LAMP3: variants seen among roughly 807,000 people sequenced by gnomAD.
LAMP3 encodes lysosome-associated membrane glycoprotein 3.
In LAMP3, 26 loss-of-function variants were observed where a neutral mutation model predicts 34.8. The observed-to-expected ratio is 0.75, with a 90% CI of 0.55 to 1.04. The LOEUF (loss-of-function observed/expected upper bound fraction) is 1.04. Among genes scored for constraint, LAMP3 ranks in the 50% least tolerant of loss-of-function variants. The pLI, the probability that LAMP3 is intolerant of heterozygous loss-of-function variation, is 0.00. For synonymous variants in LAMP3, 180 were observed against 201.9 expected (o/e 0.89, Z 0.92); for missense variants, 495 against 524.0 (o/e 0.94, Z 0.54).
chr3:183,135,602 T>A (rs551806756), intron 5 of LAMP3, 115 bp downstream of exon 5: 1 of 1,009,714 alleles, frequency 9.9e-7, no homozygotes. Context: ...AATCACACCA[T>A]CCCAGGAAGC....
chr3:183,140,437 A>ACCACC, intron 4 of LAMP3, 101 bp downstream of exon 4: 1 of 437,530 alleles, frequency 2.3e-6, no homozygotes, highest in Non-Finnish European at 4.3e-6. Context: ...AAAAAAAAAA[A>ACCACC]AAGCAGCATC....
chr3:183,158,351 G>T (rs1720879977), intron 1 of LAMP3, among the ~76,000 whole-genome samples: 1 of 152,140 alleles, frequency 6.6e-6, no homozygotes, highest in African/African-American at 2.4e-5. Flanking sequence ...CAAGGTCACA[G>T]GTTTGTCTGA....
intron 5 of LAMP3, among the ~76,000 whole-genome samples, chr3:183,127,161 G>T (rs1401394278): frequency 6.8e-4 from 104 of 152,078 alleles, no homozygotes; most frequent in Non-Finnish European, 1.3e-4. Flanking sequence ...TTGAGACAGG[G>T]TCTTGCTCTG....
At chr3:183,137,754 A>G (rs1194776817) in intron 4 of LAMP3, among the ~76,000 whole-genome samples, 1 of 151,888 alleles carries the variant, frequency 6.6e-6, no homozygotes, top group African/African-American at 2.4e-5. Flanking sequence ...TAGGATCAAG[A>G]CCTAGAATTG....
chr3:183,132,564 C>G (rs1719958265), intron 5 of LAMP3: 1 of 985,412 alleles, frequency 1.0e-6, no homozygotes, highest in Non-Finnish European at 1.2e-6. Context: ...ATTCCGGAAG[C>G]CAGCACTGGT....
chr3:183,161,927 C>T lies in LAMP3; in HGVS notation c.49+680G>A, dbSNP rs983096850. 6.1e-6 allele frequency: 6 copies of T among 983,492 alleles called. No individual in the cohort carries two copies. In the African/African-American group the frequency reaches 1.0e-4, roughly 17 times the overall value. The allele number at this position is 983,492 out of a possible 1,614,324, so 60.9% of individuals were successfully genotyped here. A position where few individuals can be genotyped will look rare whatever the true frequency, so the allele number is the denominator to read the frequency against. ...CTGGCACGACCCTTCTCACCTCTTCCCTAACATTCCTAGCATTCATGTTAC... is the reference window on the plus strand; with the variant it reads ...CTGGCACGACCCTTCTCACCTCTTCTCTAACATTCCTAGCATTCATGTTAC... On this transcript the variant is annotated intron_variant, in intron 1 of 5. Coordinates refer to ENST00000265598, the MANE Select transcript of LAMP3 (RefSeq NM_014398.4).
chr3:183,156,271 G>T (rs1720819872), intron 1 of LAMP3, among the ~76,000 whole-genome samples: 1 of 152,214 alleles, frequency 6.6e-6, no homozygotes, highest in Non-Finnish European at 1.5e-5. Flanking sequence ...TGAGGCAAGA[G>T]AATAGCTTGA....
At chr3:183,124,384 T>C (rs139758852) in intron 5 of LAMP3, among the ~76,000 whole-genome samples, 170 bp from the exon 6 acceptor site, 10 of 152,354 alleles carry the variant, frequency 6.6e-5, no homozygotes, top group African/African-American at 2.4e-4. Context: ...TGCAATTTCC[T>C]AATTTATAAA....
At chr3:183,130,584 A>G (rs1306137055) in intron 5 of LAMP3, among the ~76,000 whole-genome samples, 8 of 152,126 alleles carry the variant, frequency 5.3e-5, no homozygotes, top group Non-Finnish European at 1.0e-4. Flanking sequence ...TCCATTTCCT[A>G]TGATGCCGTT....
chr3:183,144,763 G>A (rs1422707827), intron 3 of LAMP3, among the ~76,000 whole-genome samples: 2 of 152,106 alleles, frequency 1.3e-5, no homozygotes, highest in Non-Finnish European at 2.9e-5. Flanking sequence ...AAATTAGCTG[G>A]GCATGGTGGC....
Position 183,152,362 on chromosome 3 carries a change from G to GCT in LAMP3, c.888+11_888+12dup, listed in dbSNP as rs754136931. 1.2e-5 allele frequency: 19 copies of GCT among 1,599,954 alleles called. No individual in the cohort carries two copies. The highest frequency in any genetic ancestry group is 1.5e-5 in the Non-Finnish European group (18 of 1,173,966). On this transcript the variant is annotated intron_variant, in intron 3 of 5. Transcript: ENST00000265598. ...TACCAGATGCAGTTTGTGCAAAGGAGCTCAGGCCTCACCTTGGTAAATGTG... is the reference window on the plus strand; with the variant it reads ...TACCAGATGCAGTTTGTGCAAAGGAGCTCTCAGGCCTCACCTTGGTAAATGTG...
intron 3 of LAMP3, among the ~76,000 whole-genome samples, chr3:183,148,879 G>A (rs1247528350): frequency 2.0e-5 from 3 of 152,264 alleles, no homozygotes; most frequent in South Asian, 2.1e-4. Context: ...ATATCGAAGC[G>A]ATCTGCTCTC....
At chr3:183,140,724 G>A in intron 3 of LAMP3, 129 bp from the exon 4 acceptor site, 1 of 608,374 alleles carries the variant, frequency 1.6e-6, no homozygotes, top group Middle Eastern at 2.9e-4. Flanking sequence ...ACTTGGTACT[G>A]GGTCATAATT....
At chr3:183,137,584 C>T (rs1720137250) in intron 4 of LAMP3, among the ~76,000 whole-genome samples, 1 of 152,140 alleles carries the variant, frequency 6.6e-6, no homozygotes, top group African/African-American at 2.4e-5. Context: ...TCTCTGTGTA[C>T]ACTGCCGGGT....
chr3:183,155,264 T>C (rs1720791226), intron 1 of LAMP3, among the ~76,000 whole-genome samples: 1 of 152,214 alleles, frequency 6.6e-6, no homozygotes, highest in African/African-American at 2.4e-5. Context: ...CATGCGTTCA[T>C]CCAATCTAGA....
At chr3:183,150,395 C>T (rs528316620) in intron 3 of LAMP3, among the ~76,000 whole-genome samples, 54 of 152,164 alleles carry the variant, frequency 3.5e-4, no homozygotes, top group African/African-American at 1.2e-3. Context: ...CTGCCTAAGG[C>T]CTGATGGCAG....
intron 5 of LAMP3, chr3:183,132,183 T>A (rs1719945308): frequency 4.1e-6 from 4 of 985,310 alleles, no homozygotes; most frequent in Non-Finnish European, 4.8e-6. Context: ...GCCCCTCCTT[T>A]TTTGCCATGA....
chr3:183,132,972 G>A (rs878890050), intron 5 of LAMP3: 17 of 982,862 alleles, frequency 1.7e-5, no homozygotes, highest in Non-Finnish European at 4.8e-6. Flanking sequence ...ATTGAAGTCA[G>A]AGTAACAAGT....
intron 5 of LAMP3, among the ~76,000 whole-genome samples, chr3:183,134,663 A>G (rs972881278): frequency 6.6e-6 from 1 of 152,074 alleles, no homozygotes; most frequent in African/African-American, 2.4e-5. Flanking sequence ...AAACCAGGGG[A>G]CCCAAGGCAA....
Sources: allele counts gnomAD v4.1 joint callset (sites outside exome capture counted in the v4.1 genomes callset), GRCh38; gene constraint gnomAD v4.1.1; transcripts MANE v1.5; gene names NCBI Gene and HGNC (gene_info 2026-07-23, HGNC 2026-07-21).